The following LAMA3 variants were observed in gnomAD, a reference collection of about 807,000 sequenced individuals.
LAMA3 encodes the protein laminin subunit alpha 3.
A neutral mutation model predicts 402.0 loss-of-function variants in LAMA3; 281 were observed. That is an observed-to-expected ratio of 0.70 (90% confidence interval 0.63 to 0.77). LAMA3 has a LOEUF of 0.77. Ranked by LOEUF, LAMA3 falls within the 30% of genes least tolerant of loss-of-function variation. The pLI is 0.00. For missense variants in LAMA3, 3,840 were observed against 4,215.5 expected, an observed-to-expected ratio of 0.91 and a Z score of 2.47; for synonymous variants, 1,431 against 1,558.4, an observed-to-expected ratio of 0.92 and a Z score of 1.93.
At chr18:23,950,663 A>G (rs974843308) in intron 72 of LAMA3, among the ~76,000 whole-genome samples, 12 of 152,216 alleles carry the variant, frequency 7.9e-5, no homozygotes, top group African/African-American at 2.7e-4. Flanking sequence ...GAAGACCCTT[A>G]GTTGAGGCCT....
At chr18:23,873,269 A>T in intron 38 of LAMA3, 1 of 1,488,170 alleles carries the variant, frequency 6.7e-7, no homozygotes, top group East Asian at 2.3e-5. Context: ...CAGCTTTGTG[A>T]CATTTTAAGT....
chr18:23,743,118 C>A (rs1399098901), intron 2 of LAMA3, among the ~76,000 whole-genome samples: 1 of 152,194 alleles, frequency 6.6e-6, no homozygotes, highest in African/African-American at 2.4e-5. Context: ...ACAGGTACCG[C>A]AGTGCATGAC....
chr18:23,822,390 T>C lies in LAMA3; in HGVS notation c.2428+15T>C, dbSNP rs746340576. ...TCCATCCTGGGGTAAGGCACGTAGG[T>C]AAAATGTCAAGCCTCTTTTCAATTA... On this transcript the variant is annotated intron_variant, in intron 20 of 74. Transcript: ENST00000313654. 23 of 1,611,706 alleles carry C rather than the reference T, an allele frequency of 1.4e-5. No homozygotes were observed. In the Admixed American group the frequency reaches 2.8e-4, roughly 20 times the overall value.
Position 23,810,511 on chromosome 18 carries a change from A to G in LAMA3, c.1741+8A>G. ...ATTTCCCCCACTGCCAAGGTAGGAA[A>G]GTCAGCAGATTGCTAGAGGGCTGGT... On this transcript the variant is annotated splice_region_variant and intron_variant, in intron 13 of 74. Coordinates refer to ENST00000313654, the MANE Select transcript of LAMA3 (RefSeq NM_198129.4). The G allele has an allele frequency of 6.2e-7, 1 of 1,613,980 alleles. No individual in the cohort carries two copies. The highest frequency in any genetic ancestry group is 2.2e-5 in the East Asian group (1 of 44,854).
At chr18:23,748,467 G>T (rs2061691139) in intron 3 of LAMA3, among the ~76,000 whole-genome samples, 1 of 150,578 alleles carries the variant, frequency 6.6e-6, no homozygotes, top group Admixed American at 6.6e-5. Context: ...AGTATGACTA[G>T]TTAGGGACTG....
At chr18:23,865,155 T>C (rs2144767438) in intron 36 of LAMA3, among the ~76,000 whole-genome samples, 1 of 152,290 alleles carries the variant, frequency 6.6e-6, no homozygotes, top group South Asian at 2.1e-4. Flanking sequence ...TTAAACTTTT[T>C]TTGAACTTTT....
Position 23,954,613 on chromosome 18 carries a change from G to A in LAMA3, c.9967G>A (p.Gly3323Arg), listed in dbSNP as rs776800742. The stretch of plus-strand genomic sequence containing the variant: ...TGTCACTGAAGCCTTGGAAGTCCAG[G>A]GGCCTGTCAGTCTGAATGGTTGTCC... ...VPVTEALEVQGPVSLNGCPDQ is the reference protein window; with the variant it reads ...VPVTEALEVQRPVSLNGCPDQ The change falls in exon 75 of 75, where the codon GGG (glycine) becomes AGG (arginine). Residue 3323 changes from glycine to arginine, a missense_variant. Physicochemically the swap from Gly to Arg is moderately radical, Grantham distance 125. Around this residue, in one of 3 missense-constraint regions of LAMA3, gnomAD observed 840 missense variants for 981.9 expected, o/e 0.86. Transcript: ENST00000313654. The A allele has an allele frequency of 3.1e-6, 5 of 1,613,918 alleles. No homozygotes were observed. Among genetic ancestry groups the A allele is most frequent in the Non-Finnish European group, 4.2e-6 (5 of 1,179,996 alleles).
chr18:23,770,738 G>A (rs546066338), intron 8 of LAMA3, among the ~76,000 whole-genome samples: 1 of 152,264 alleles, frequency 6.6e-6, no homozygotes, highest in Admixed American at 6.5e-5. Flanking sequence ...TCCAGCCTGG[G>A]CGACAGAGCG....
At chr18:23,766,732 G>A (rs1314035806) in intron 8 of LAMA3, among the ~76,000 whole-genome samples, 1 of 151,942 alleles carries the variant, frequency 6.6e-6, no homozygotes, top group Admixed American at 6.6e-5. Context: ...CCAGATACTC[G>A]GGAGGCTGAG....
chr18:23,708,926 T>A (rs1176693323), intron 1 of LAMA3, among the ~76,000 whole-genome samples: 41 of 141,206 alleles, frequency 2.9e-4, no homozygotes, highest in Admixed American at 8.5e-4. Flanking sequence ...CCTGGCTAAT[T>A]AAAAAAAAAA....
chr18:23,763,861 A>C (rs904279250), intron 8 of LAMA3, among the ~76,000 whole-genome samples: 20 of 152,184 alleles, frequency 1.3e-4, no homozygotes, highest in African/African-American at 4.3e-4. Context: ...TATTAATGTT[A>C]GTGCTGACCC....
At chr18:23,690,571 C>T (rs2060564643) in intron 1 of LAMA3, among the ~76,000 whole-genome samples, 3 of 152,150 alleles carry the variant, frequency 2.0e-5, no homozygotes, top group Admixed American at 6.6e-5. Context: ...CGAGCCTCAC[C>T]GCGAACACCC....
chr18:23,840,599 T>C (rs1433775028), intron 27 of LAMA3, among the ~76,000 whole-genome samples: 1 of 151,950 alleles, frequency 6.6e-6, no homozygotes, highest in African/African-American at 2.4e-5. Context: ...GTTGCCCAGG[T>C]TGGTCTCGAA....
rs2080828030 is a variant in LAMA3, at chr18:23,894,990, G to A, written c.5545G>A (p.Gly1849Ser). ...CCGCCTGGTCAAGTCTCAGCTGCAG[G>A]GCCTGAGTGCCAGCGCAGGGCTTCT... ...QLRLVKSQLQGLSASAGLLEQ... is the reference protein window; with the variant it reads ...QLRLVKSQLQSLSASAGLLEQ... The change falls in exon 44 of 75, where the codon GGC becomes AGC. Residue 1849 changes from glycine to serine, a missense_variant. Around this residue, in one of 3 missense-constraint regions of LAMA3, gnomAD observed 891 missense variants for 857.5 expected, o/e 1.04. Coordinates refer to ENST00000313654, the MANE Select transcript of LAMA3 (RefSeq NM_198129.4). The A allele has an allele frequency of 1.2e-6, 2 of 1,613,588 alleles. No individual in the cohort carries two copies. The highest frequency in any genetic ancestry group is 2.7e-5 in the African/African-American group (2 of 74,916).
At chr18:23,914,049 G>A (rs1002296928) in intron 56 of LAMA3, among the ~76,000 whole-genome samples, 1 of 152,204 alleles carries the variant, frequency 6.6e-6, no homozygotes, top group Non-Finnish European at 1.5e-5. Context: ...AAAGTGTTAA[G>A]AGGATGTTGT....
At chr18:23,912,584 C>G in intron 55 of LAMA3, 127 bp from the exon 56 acceptor site, 1 of 774,770 alleles carries the variant, frequency 1.3e-6, no homozygotes, top group Admixed American at 1.9e-5. Flanking sequence ...CATTCACATT[C>G]CCTTGCTCCT....
intron 13 of LAMA3, among the ~76,000 whole-genome samples, chr18:23,811,489 C>G (rs1327887636): frequency 4.6e-5 from 7 of 152,116 alleles, no homozygotes; most frequent in African/African-American, 1.7e-4. Flanking sequence ...TTTCAAAAGG[C>G]CTGAAGGTCC....
intron 1 of LAMA3, among the ~76,000 whole-genome samples, chr18:23,703,988 C>T (rs2060838609): frequency 6.6e-6 from 1 of 152,192 alleles, no homozygotes; most frequent in African/African-American, 2.4e-5. Flanking sequence ...CCAGGATGTC[C>T]TATACATCAG....
chr18:23,719,861 G>A (rs1318768628), intron 2 of LAMA3, among the ~76,000 whole-genome samples: 1 of 152,144 alleles, frequency 6.6e-6, no homozygotes, highest in East Asian at 1.9e-4. Context: ...TAAGGAGGGT[G>A]ACTCAGCTGG....
Sources: allele counts gnomAD v4.1 joint callset (sites outside exome capture counted in the v4.1 genomes callset), GRCh38; gene constraint gnomAD v4.1.1; regional missense constraint gnomAD v4.1.1; transcripts MANE v1.5; gene names NCBI Gene and HGNC (gene_info 2026-07-23, HGNC 2026-07-21).